KLHDC4: variants seen among roughly 807,000 people sequenced by gnomAD.
KLHDC4 encodes the protein kelch domain containing 4, also known as kelch domain-containing protein 4.
In KLHDC4, 90 loss-of-function variants were observed where a neutral mutation model predicts 62.4. The observed-to-expected ratio is 1.44, with a 90% confidence interval of 1.22 to 1.72. The LOEUF (loss-of-function observed/expected upper bound fraction) is 1.72. KLHDC4 is among the 40% of genes most tolerant of loss of function. The pLI is 0.00. For missense variants in KLHDC4, 1,025 were observed against 699.7 expected (o/e 1.47, Z -5.25); for synonymous variants, 386 against 284.4 (o/e 1.36, Z -3.59).
intron 4 of KLHDC4, among the ~76,000 whole-genome samples, chr16:87,749,350 T>C (rs368396936): frequency 6.6e-6 from 1 of 151,870 alleles, no homozygotes; most frequent in African/African-American, 2.4e-5. Flanking sequence ...GATCAAGAAA[T>C]AGAGACCATC....
chr16:87,710,827 GC>G (rs1440746038), intron 9 of KLHDC4: 1 of 168,066 alleles, frequency 6.0e-6, no homozygotes, highest in Non-Finnish European at 1.3e-5. Context: ...CCACTGCTGT[GC>G]CTGTGCTGGG....
intron 2 of KLHDC4, among the ~76,000 whole-genome samples, chr16:87,761,565 T>C (rs2045901007): frequency 6.6e-6 from 1 of 152,268 alleles, no homozygotes; most frequent in African/African-American, 2.4e-5. Flanking sequence ...CATGAGAATT[T>C]GAAAGCATTA....
chr16:87,719,828 C>A (rs969585736), intron 7 of KLHDC4, among the ~76,000 whole-genome samples: 1 of 152,202 alleles, frequency 6.6e-6, no homozygotes, highest in Non-Finnish European at 1.5e-5. Flanking sequence ...GTGAGCGCAA[C>A]AGGGCTGGCT....
chr16:87,743,898 G>C (rs2042626398), intron 5 of KLHDC4, among the ~76,000 whole-genome samples: 1 of 152,188 alleles, frequency 6.6e-6, no homozygotes, highest in African/African-American at 2.4e-5. Flanking sequence ...TCCCGATGGG[G>C]AGGAATGAGG....
Position 87,709,585 on chromosome 16 carries a change from G to C in KLHDC4, c.1127C>G (p.Ala376Gly). The part of the protein sequence containing the change: ...EGGSRPACGG[A>G]GTQGPVQLVK... ...CAGCTGCACAGGCCCCTGGGTGCCA[G>C]CTCCCCCACACGCCGGCCTGCTACC... The change falls in exon 10 of 12, where the codon GCT (alanine) becomes GGT (glycine). Residue 376 changes from alanine (A) to glycine (G), a missense_variant. Physicochemically the swap from Ala to Gly is moderately conservative, Grantham distance 60 (BLOSUM62 0). Transcript: ENST00000270583. 6.2e-7 allele frequency: 1 copy of C among 1,612,940 alleles called. No homozygotes were observed.
intron 5 of KLHDC4, among the ~76,000 whole-genome samples, chr16:87,736,656 A>T (rs1340007564): frequency 7.2e-5 from 11 of 152,222 alleles, no homozygotes; most frequent in Admixed American, 6.5e-4. Flanking sequence ...CATGATTAGT[A>T]GCCGTCTCCA....
chr16:87,711,220 C>G lies in KLHDC4; in HGVS notation c.1044+15G>C. The G allele has an allele frequency of 6.2e-7, 1 of 1,613,544 alleles. No individual in the cohort carries two copies. The highest frequency in any genetic ancestry group is 8.5e-7 in the Non-Finnish European group (1 of 1,179,784). On this transcript the variant is annotated intron_variant, in intron 9 of 11. Transcript: ENST00000270583. ...GCTGCGCACCACGGCGCATGCTACT[C>G]AGAGGTTGCACTACCTTCAGCTGTC...
chr16:87,760,297 C>A (rs1426808607), intron 2 of KLHDC4, among the ~76,000 whole-genome samples: 2 of 150,666 alleles, frequency 1.3e-5, no homozygotes, highest in African/African-American at 4.9e-5. Flanking sequence ...CGAGACCAGC[C>A]TGGACAACAT....
intron 8 of KLHDC4, among the ~76,000 whole-genome samples, chr16:87,713,177 G>A (rs968837943): frequency 4.0e-5 from 6 of 150,960 alleles, no homozygotes; most frequent in East Asian, 2.0e-4. Flanking sequence ...AACTACAGAC[G>A]TGCGCCAGCA....
At chr16:87,732,138 C>G (rs1357401752) in intron 5 of KLHDC4, among the ~76,000 whole-genome samples, 1 of 150,922 alleles carries the variant, frequency 6.6e-6, no homozygotes, top group East Asian at 1.9e-4. Context: ...CATTCTTGCC[C>G]AGGCCGGAGT....
chr16:87,711,996 C>T (rs116749248), intron 8 of KLHDC4, among the ~76,000 whole-genome samples: 2,156 of 151,042 alleles, frequency 0.014, 58 homozygotes, highest in African/African-American at 0.05. Flanking sequence ...AATGCCTGTG[C>T]CAGCCGCCCT....
intron 5 of KLHDC4, chr16:87,743,078 CAA>C (rs2042484048): frequency 6.6e-6 from 1 of 152,284 alleles, no homozygotes; most frequent in Admixed American, 6.5e-5. Context: ...GACATGAGGT[CAA>C]AGACTTTATA....
Position 87,743,390 on chromosome 16 carries a change from C to A in KLHDC4, c.506+5283G>T, listed in dbSNP as rs186564387. Among the ~76,000 whole-genome samples, 135 of 152,242 alleles carry A rather than the reference C, an allele frequency of 8.9e-4. 1 individual carries two copies. Among genetic ancestry groups the A allele is most frequent in the East Asian group, 5.8e-4 (3 of 5,178 alleles). On this transcript the variant is annotated intron_variant, in intron 5 of 11. Transcript: ENST00000270583. ...GATTACAGGCATGAGCCACTGCACCCGGCCTGGACTCTACAATTCTACTTC... is the reference window on the plus strand; with the variant it reads ...GATTACAGGCATGAGCCACTGCACCAGGCCTGGACTCTACAATTCTACTTC...
At position 87,711,428 on chromosome 16, in the gene KLHDC4, G is replaced by A. The variant is rs1245084553; in HGVS notation, c.851C>T (p.Thr284Ile). The A allele has an allele frequency of 4.3e-6, 7 of 1,610,740 alleles. No individual in the cohort carries two copies. The highest frequency in any genetic ancestry group is 5.9e-6 in the Non-Finnish European group (7 of 1,179,190). ...EDGREDKWVW[T>I]RMNPSGVKPT... ...CTTGACCCCCGAAGGGTTCATCCGA[G>A]TCCAAACCCACTTGTCTGTCAAAAG... The change falls in exon 9 of 12, where the codon ACT becomes ATT. Residue 284 changes from threonine to isoleucine, a missense_variant. Coordinates refer to ENST00000270583, the MANE Select transcript of KLHDC4 (RefSeq NM_017566.4).
intron 7 of KLHDC4, among the ~76,000 whole-genome samples, chr16:87,723,156 C>A (rs949460474): frequency 1.3e-5 from 2 of 152,266 alleles, no homozygotes; most frequent in African/African-American, 2.4e-5. Context: ...GTGCACACTG[C>A]CGCTTCAGCC....
intron 4 of KLHDC4, chr16:87,750,472 C>T (rs1034657258): frequency 2.0e-5 from 3 of 152,314 alleles, no homozygotes; most frequent in African/African-American, 2.4e-5. Flanking sequence ...CATTTCCCAG[C>T]TCAGCCGTGG....
rs577984687 is a variant in KLHDC4, at chr16:87,765,712, T to A, written c.99+80A>T. Reference sequence around the variant, plus strand: ...CGGCGCGGCTCCCACGGCCGACCCGTAACCCCGGGGGGCGCAGGGAGTCGG... The same window carrying A: ...CGGCGCGGCTCCCACGGCCGACCCGAAACCCCGGGGGGCGCAGGGAGTCGG... On this transcript the variant is annotated intron_variant, in intron 1 of 11. Coordinates refer to ENST00000270583, the MANE Select transcript of KLHDC4 (RefSeq NM_017566.4). 3.6e-3 allele frequency: 5,042 copies of A among 1,384,108 alleles called. 20 individuals carry two copies. Among genetic ancestry groups the A allele is most frequent in the Admixed American group, 7.1e-3 (309 of 43,770 alleles). 85.7% of individuals were successfully genotyped at this position (1,384,108 alleles called of 1,614,324 possible).
chr16:87,738,359 A>G (rs548407467), intron 5 of KLHDC4, among the ~76,000 whole-genome samples: 31 of 138,686 alleles, frequency 2.2e-4, no homozygotes, highest in South Asian at 1.3e-3. Flanking sequence ...ACGGACGTGC[A>G]CACACACACA....
At chr16:87,730,796 T>C (rs911766969) in intron 5 of KLHDC4, 152 bp from the exon 6 acceptor site, 3 of 644,952 alleles carry the variant, frequency 4.7e-6, no homozygotes, top group Non-Finnish European at 5.3e-6. Flanking sequence ...ATCTGATCTA[T>C]CAACTACCAA....
Sources: gnomAD v4.1 joint callset for allele counts (sites outside exome capture counted in the v4.1 genomes callset) on GRCh38, gnomAD v4.1.1 for gene constraint, MANE v1.5 for transcripts, NCBI Gene and HGNC (gene_info 2026-07-23, HGNC 2026-07-21) for gene names.